Variants in PCDHGA3 observed in about 807,000 individuals in gnomAD.
PCDHGA3 encodes the protein protocadherin gamma subfamily A, 3.
In PCDHGA3, 40 loss-of-function variants were observed where a neutral mutation model predicts 58.5. The ratio of observed to expected loss-of-function variants is 0.68; its 90% CI spans 0.53 to 0.89. The LOEUF is 0.89. Ranked by LOEUF, PCDHGA3 falls within the 40% of genes least tolerant of loss-of-function variation. The pLI is 0.00. For missense variants in PCDHGA3, 1,223 were observed against 1,195.9 expected (o/e 1.02, Z -0.33); for synonymous variants, 530 against 525.7 (o/e 1.01, Z -0.11).
intron 1 of PCDHGA3, chr5:141,391,496 G>C (rs1256159469): frequency 6.6e-6 from 1 of 151,988 alleles, no homozygotes; most frequent in Non-Finnish European, 1.5e-5. Flanking sequence ...GTTTTCAGTA[G>C]AGAAAATATT....
At chr5:141,422,606 C>T in intron 1 of PCDHGA3, 1 of 1,613,904 alleles carries the variant, frequency 6.2e-7, no homozygotes, top group Non-Finnish European at 8.5e-7. Flanking sequence ...TCTTACTCTG[C>T]CTACATTCCC....
chr5:141,364,818 G>A lies in PCDHGA3; in HGVS notation c.2424+18361G>A. ...CCCTTCGCGCGGGATGCGGATGTGGGTGTGAACTCTCTCCGGAGTTACCAG... is the reference window on the plus strand; with the variant it reads ...CCCTTCGCGCGGGATGCGGATGTGGATGTGAACTCTCTCCGGAGTTACCAG... On this transcript the variant is annotated intron_variant, in intron 1 of 3. Transcript: ENST00000253812. 1 of 1,614,014 alleles carries A rather than the reference G, an allele frequency of 6.2e-7. No individual in the cohort carries two copies. The highest frequency in any genetic ancestry group is 8.5e-7 in the Non-Finnish European group (1 of 1,179,904).
At chr5:141,388,972 A>G in intron 1 of PCDHGA3, 1 of 1,614,008 alleles carries the variant, frequency 6.2e-7, no homozygotes, top group Non-Finnish European at 8.5e-7. Context: ...CTGGGAACAC[A>G]TATTGCTTTG....
intron 1 of PCDHGA3, chr5:141,355,817 C>A: frequency 6.2e-7 from 1 of 1,612,886 alleles, no homozygotes; most frequent in African/African-American, 1.3e-5. Context: ...GAGGAAGAGG[C>A]GGTTCACCAC....
chr5:141,343,849 A>G lies in PCDHGA3; in HGVS notation c.-185A>G, dbSNP rs928968818. Reference sequence around the variant, plus strand: ...AGTCCACCATTTCCTTGCTCCTAAAATGCAAAGAACCAGCAAATCAGACTC... The same window carrying G: ...AGTCCACCATTTCCTTGCTCCTAAAGTGCAAAGAACCAGCAAATCAGACTC... On this transcript the variant is annotated 5_prime_UTR_variant, in exon 1 of 4. It removes an upstream start codon present in the reference 5' UTR. Transcript: ENST00000253812. The G allele has an allele frequency of 3.4e-5, 18 of 528,246 alleles. No individual in the cohort carries two copies. The highest frequency in any genetic ancestry group is 1.1e-4 in the South Asian group (3 of 26,702). 32.7% of individuals were successfully genotyped at this position (528,246 alleles called of 1,614,324 possible). A position where few individuals can be genotyped will look rare whatever the true frequency, so the allele number is the denominator to read the frequency against.
At chr5:141,422,723 G>T in intron 1 of PCDHGA3, 1 of 1,605,958 alleles carries the variant, frequency 6.2e-7, no homozygotes, top group South Asian at 1.1e-5. Flanking sequence ...ACTGTCCAGG[G>T]GGTGCCTCTG....
intron 1 of PCDHGA3, chr5:141,359,992 TC>T: frequency 2.9e-6 from 3 of 1,042,060 alleles, no homozygotes; most frequent in Non-Finnish European, 4.0e-6. Flanking sequence ...GAGGGGAACT[TC>T]CTGCACAAAC....
chr5:141,394,863 C>T (rs758408774), intron 1 of PCDHGA3: 37 of 1,613,708 alleles, frequency 2.3e-5, no homozygotes, highest in Non-Finnish European at 2.9e-5. Context: ...TTCGGTCGAC[C>T]CGAACGATTC....
intron 1 of PCDHGA3, chr5:141,364,871 G>T (rs775321480): frequency 3.7e-6 from 6 of 1,614,010 alleles, no homozygotes; most frequent in Non-Finnish European, 5.1e-6. Flanking sequence ...CTTCTCTCTG[G>T]ATGTGGTAAG....
Position 141,431,953 on chromosome 5 carries a change from C to G in PCDHGA3, c.2425-62854C>G. 1.2e-6 allele frequency: 2 copies of G among 1,614,082 alleles called. No individual in the cohort carries two copies. Among genetic ancestry groups the G allele is most frequent in the East Asian group, 4.5e-5 (2 of 44,886 alleles). ...TGCCCTTTAAATTAGAAAAATCTTA[C>G]GGAAATTACTATAGTTTAGTCACAG... On this transcript the variant is annotated intron_variant, in intron 1 of 3. Transcript: ENST00000253812. The surrounding 1 kb of genome is among the most constrained non-coding windows in gnomAD (Gnocchi z 4.8).
In PCDHGA3 at chr5:141,393,848, A is replaced by G. The variant is rs1368797606; in HGVS notation, c.2424+47391A>G. Reference sequence around the variant, plus strand: ...TGGAAGATGTAAATGACAATAGACCAGAAGTGATCATTACGTCTTTGTTTA... The same window carrying G: ...TGGAAGATGTAAATGACAATAGACCGGAAGTGATCATTACGTCTTTGTTTA... On this transcript the variant is annotated intron_variant, in intron 1 of 3. Transcript: ENST00000253812. 2.5e-6 allele frequency: 4 copies of G among 1,614,008 alleles called. No individual in the cohort carries two copies. The South Asian group carries it at 4.4e-5, about 18-fold the overall frequency.
At chr5:141,420,369 T>C in intron 1 of PCDHGA3, 2 of 1,349,364 alleles carry the variant, frequency 1.5e-6, no homozygotes, top group Non-Finnish European at 2.0e-6. Flanking sequence ...AGATAACTTC[T>C]TCATAGAGTT....
chr5:141,353,168 G>A (rs1162754774), intron 1 of PCDHGA3, among the ~76,000 whole-genome samples: 1 of 151,906 alleles, frequency 6.6e-6, no homozygotes, highest in Non-Finnish European at 1.5e-5. Context: ...TTTACTGTTG[G>A]CATTTCTGTA....
At position 141,352,497 on chromosome 5, in the gene PCDHGA3, A is replaced by G. The variant is rs932684765; in HGVS notation, c.2424+6040A>G. ...AACCACAGCGAGGGGACTTTGCCCT[A>G]TTCCTACAATCTATGTATTGCCTCT... is the stretch of plus-strand genomic sequence containing the variant. On this transcript the variant is annotated intron_variant, in intron 1 of 3. Coordinates refer to ENST00000253812, the MANE Select transcript of PCDHGA3 (RefSeq NM_018916.4). The G allele has an allele frequency of 2.5e-6, 4 of 1,613,910 alleles. No homozygotes were observed. In the African/African-American group the frequency reaches 4.0e-5, roughly 16 times the overall value.
At chr5:141,404,906 C>T (rs776779922) in intron 1 of PCDHGA3, 7 of 1,613,864 alleles carry the variant, frequency 4.3e-6, no homozygotes, top group Non-Finnish European at 5.1e-6. Context: ...CCATGGCCAG[C>T]CCCCTCTCTC....
intron 1 of PCDHGA3, among the ~76,000 whole-genome samples, chr5:141,382,003 A>G (rs1271495792): frequency 6.6e-6 from 1 of 150,830 alleles, no homozygotes; most frequent in Non-Finnish European, 1.5e-5. Flanking sequence ...ATAATTTTGT[A>G]TTTTTAGTAG....
chr5:141,462,125 A>G (rs918645911), intron 1 of PCDHGA3, among the ~76,000 whole-genome samples: 24 of 151,688 alleles, frequency 1.6e-4, no homozygotes, highest in African/African-American at 5.6e-4. Flanking sequence ...ACCCAGTCCA[A>G]TTTTTTGTAT....
chr5:141,377,683 T>C (rs1160424297), intron 1 of PCDHGA3: 1 of 152,192 alleles, frequency 6.6e-6, no homozygotes, highest in Non-Finnish European at 1.5e-5. Context: ...AAGAGATCTT[T>C]CACCTTTACT....
chr5:141,375,735 T>G, intron 1 of PCDHGA3: 1 of 1,614,254 alleles, frequency 6.2e-7, no homozygotes. Flanking sequence ...CTGAGCCTGT[T>G]TGTGCTGGAC....
Sources: gnomAD v4.1 joint callset for allele counts (sites outside exome capture counted in the v4.1 genomes callset) on GRCh38, gnomAD v4.1.1 for gene constraint, Gnocchi (gnomAD v3.1) non-coding constraint, MANE v1.5 for transcripts, NCBI Gene and HGNC (gene_info 2026-07-23, HGNC 2026-07-21) for gene names.